Variants in DNAH14 observed in about 807,000 individuals in gnomAD.
The protein encoded by DNAH14 is dynein axonemal heavy chain 14, also known as axonemal beta dynein heavy chain 14.
A neutral mutation model predicts 520.9 loss-of-function variants in DNAH14; 478 were observed. That is an observed-to-expected ratio of 0.92 (90% CI 0.85 to 0.99). The LOEUF (loss-of-function observed/expected upper bound fraction) is 0.99, where lower values mean the gene tolerates loss of function less well. Among genes scored for constraint, DNAH14 ranks in the 50% least tolerant of loss-of-function variants. The probability of loss-of-function intolerance (pLI) is 0.00; values close to 1 mark genes in which losing one functional copy is unlikely to be tolerated. For synonymous variants in DNAH14, 1,581 were observed against 1,757.2 expected (o/e 0.90, Z 2.51); for missense variants, 4,831 against 5,234.5 (o/e 0.92, Z 2.38).
chr1:225,354,210 A>G (rs991406591), intron 73 of DNAH14: 2 of 701,822 alleles, frequency 2.8e-6, no homozygotes, highest in African/African-American at 3.5e-5. Context: ...GCCATAAACC[A>G]TACAGGAACA....
intron 69 of DNAH14, among the ~76,000 whole-genome samples, 182 bp downstream of exon 69, chr1:225,340,883 G>C (rs2095164477): frequency 6.6e-6 from 1 of 152,136 alleles, no homozygotes; most frequent in African/African-American, 2.4e-5. Context: ...GTGTCCCTCA[G>C]TTCCACTTTT....
chr1:225,019,545 T>TA (rs896314320), intron 10 of DNAH14, among the ~76,000 whole-genome samples: 2 of 152,148 alleles, frequency 1.3e-5, no homozygotes, highest in Non-Finnish European at 2.9e-5. Flanking sequence ...ATTCAGGACT[T>TA]AAACTTGATA....
chr1:225,073,268 G>A (rs1572871879), intron 17 of DNAH14, among the ~76,000 whole-genome samples: 1 of 151,960 alleles, frequency 6.6e-6, no homozygotes, highest in East Asian at 2.0e-4. Flanking sequence ...CCAGTCAGCT[G>A]GGGCTCTCTA....
Position 225,071,961 on chromosome 1 carries a change from A to G in DNAH14, c.2425-7246A>G, listed in dbSNP as rs2071600368. On this transcript the variant is annotated intron_variant, in intron 17 of 85. Transcript: ENST00000682510. ...ATTTGGGTGGGGACACAGCCAAACC[A>G]TATCACCGCCTTTAACATTTTTTCT... Among the ~76,000 whole-genome samples the G allele has an allele frequency of 2.6e-5, 4 of 152,300 alleles. 1 individual carries two copies. The South Asian group carries it at 8.3e-4, about 32-fold the overall frequency.
chr1:225,056,583 T>A (rs2069129644), intron 17 of DNAH14, among the ~76,000 whole-genome samples: 1 of 152,208 alleles, frequency 6.6e-6, no homozygotes, highest in South Asian at 2.1e-4. Flanking sequence ...GCTTTTGGTG[T>A]TTTAGATATG....
intron 11 of DNAH14, among the ~76,000 whole-genome samples, chr1:225,027,706 A>G (rs532305178): frequency 2.3e-4 from 35 of 152,040 alleles, no homozygotes; most frequent in Non-Finnish European, 3.5e-4. Context: ...CACAGAGGAA[A>G]TCTTTCCCCT....
intron 8 of DNAH14, among the ~76,000 whole-genome samples, chr1:224,998,866 GC>G (rs2063563293): frequency 6.6e-6 from 1 of 152,116 alleles, no homozygotes; most frequent in South Asian, 2.1e-4. Flanking sequence ...GAAGTCTCCA[GC>G]TGTAATTGTG....
rs1473068747 is a variant in DNAH14, at chr1:225,368,003, G to A, written c.12289G>A (p.Ala4097Thr). 6.5e-7 allele frequency: 1 copy of A among 1,549,616 alleles called. No individual in the cohort carries two copies. Among genetic ancestry groups the A allele is most frequent in the Non-Finnish European group, 8.7e-7 (1 of 1,146,640 alleles). The change falls in exon 77 of 86, where the codon GCT (alanine) becomes ACT (threonine). Residue 4097 changes from alanine (A) to threonine (T), a missense_variant. Ala to Thr is a moderately conservative substitution (Grantham distance 58). Coordinates refer to ENST00000682510, the MANE Select transcript of DNAH14 (RefSeq NM_001367479.1). ...KNYGILGWNI[A>T]YKFNSSDLGV... is the part of the protein sequence containing the mutation. ...TTACGGAATATTGGGCTGGAATATT[G>A]CTTATAAATTTAATTCTTCAGACTT...
Position 225,322,749 on chromosome 1 carries a change from G to A in DNAH14, c.9421G>A (p.Ala3141Thr), listed in dbSNP as rs1451901147. The A allele has an allele frequency of 1.3e-6, 2 of 1,551,522 alleles. No homozygotes were observed. Among genetic ancestry groups the A allele is most frequent in the Non-Finnish European group, 1.7e-6 (2 of 1,146,928 alleles). The change falls in exon 62 of 86, where the codon GCA becomes ACA. Residue 3141 changes from alanine (A) to threonine (T), a missense_variant. By Grantham distance (58) the Ala-to-Thr change is moderately conservative. Transcript: ENST00000682510. ...LLQKKPNWAT[A>T]KLLLSETGFL... ...GCAAAAGAAACCTAACTGGGCAACG[G>A]CAAAGTTACTTCTTTCAGAAACTGG...
chr1:225,382,631 T>C (rs1187649497), intron 81 of DNAH14, among the ~76,000 whole-genome samples: 1 of 151,904 alleles, frequency 6.6e-6, no homozygotes, highest in Non-Finnish European at 1.5e-5. Context: ...GGAGAATTGC[T>C]TGAACCCAGA....
In DNAH14 at chr1:225,140,775, T is replaced by G; in HGVS notation, c.4262T>G (p.Ile1421Ser). ...PGQVVLTVSQ[I>S]MFYNDCVKSF... ...ATTATCTTACTTTTTCAGAGCCAGA[T>G]CATGTTTTATAATGATTGTGTTAAA... Residue 1421 changes from isoleucine (I) to serine (S), a missense_variant, in exon 28 of 86, where the codon ATC becomes AGC. By Grantham distance (142) the Ile-to-Ser change is moderately radical. Transcript: ENST00000682510. 1 of 1,531,870 alleles carries G rather than the reference T, an allele frequency of 6.5e-7. No homozygotes were observed. Among genetic ancestry groups the G allele is most frequent in the South Asian group, 1.2e-5 (1 of 83,478 alleles). The allele number at this position is 1,531,870 out of a possible 1,614,324, so 94.9% of individuals were successfully genotyped here. A position where few individuals can be genotyped will look rare whatever the true frequency, so the allele number is the denominator to read the frequency against.
At position 225,354,963 on chromosome 1, in the gene DNAH14, A is replaced by G. The variant is rs970413269; in HGVS notation, c.11619+1075A>G. Among the ~76,000 whole-genome samples, 20 of 152,146 alleles carry G rather than the reference A, an allele frequency of 1.3e-4. 1 individual carries two copies. The highest frequency in any genetic ancestry group is 4.8e-4 in the African/African-American group (20 of 41,432). ...TTACAAACATGTTTTATTTGGCCTG[A>G]AGTTTTGTTTGGTTTTTTACAACTT... is the stretch of plus-strand genomic sequence containing the variant. On this transcript the variant is annotated intron_variant, in intron 73 of 85. Coordinates refer to ENST00000682510, the MANE Select transcript of DNAH14 (RefSeq NM_001367479.1).
Position 225,100,723 on chromosome 1 carries a change from G to A in DNAH14, c.3706G>A (p.Ala1236Thr). Residue 1236 changes from alanine (A) to threonine (T), a missense_variant, in exon 23 of 86, where the codon GCA becomes ACA. Transcript: ENST00000682510. Reference sequence around the variant, plus strand: ...ATTTTTTTTCTAAAGGCAACTCCCAGCAGAAACAGAACTTTTCTCTCAAGT... The same window carrying A: ...ATTTTTTTTCTAAAGGCAACTCCCAACAGAAACAGAACTTTTCTCTCAAGT... Reference protein sequence around the residue: ...HSSEIRRQLPAETELFSQVIS... With the variant: ...HSSEIRRQLPTETELFSQVIS... 6.7e-7 allele frequency: 1 copy of A among 1,498,664 alleles called. No homozygotes were observed. Among genetic ancestry groups the A allele is most frequent in the Non-Finnish European group, 8.9e-7 (1 of 1,129,064 alleles). The allele number at this position is 1,498,664 out of a possible 1,614,324, so 92.8% of individuals were successfully genotyped here.
intron 76 of DNAH14, among the ~76,000 whole-genome samples, chr1:225,365,620 C>G (rs1273097940): frequency 6.6e-6 from 1 of 152,270 alleles, no homozygotes; most frequent in African/African-American, 2.4e-5. Flanking sequence ...CAGTACTGAG[C>G]CATTTCCCAA....
intron 41 of DNAH14, among the ~76,000 whole-genome samples, chr1:225,217,534 C>G (rs56353835): frequency 0.15 from 23,389 of 152,126 alleles, 2,094 homozygotes; most frequent in East Asian, 0.36. Flanking sequence ...CCTCCTTGAG[C>G]TGCGGTGGGC....
In DNAH14 at chr1:225,145,347, G is replaced by A; in HGVS notation, c.4762G>A (p.Val1588Ile). The A allele has an allele frequency of 6.5e-7, 1 of 1,546,522 alleles. No homozygotes were observed. The highest frequency in any genetic ancestry group is 1.4e-5 in the African/African-American group (1 of 73,048). ...CCAGTCCTTAGGCAAACATTGTGTG[G>A]TCTTCAACTGTTTTGAGGATTTGGA... ...LAKSLGKHCVVFNCFEDLDYK... is the reference protein window; with the variant it reads ...LAKSLGKHCVIFNCFEDLDYK... The change falls in exon 30 of 86, where the codon GTC becomes ATC. Residue 1588 changes from valine (V) to isoleucine (I), a missense_variant. Transcript: ENST00000682510.
chr1:225,139,197 T>C (rs1472385770), intron 27 of DNAH14, among the ~76,000 whole-genome samples: 4 of 152,180 alleles, frequency 2.6e-5, no homozygotes, highest in African/African-American at 9.7e-5. Context: ...TTACCCAAAC[T>C]GTTCTTTACA....
intron 29 of DNAH14, among the ~76,000 whole-genome samples, chr1:225,144,860 C>T (rs1036816809): frequency 6.6e-6 from 1 of 151,592 alleles, no homozygotes; most frequent in Non-Finnish European, 1.5e-5. Flanking sequence ...TGGAATACTA[C>T]TTTACTGACT....
chr1:225,276,429 G>T (rs762328680), intron 53 of DNAH14, among the ~76,000 whole-genome samples: 1 of 152,068 alleles, frequency 6.6e-6, no homozygotes, highest in African/African-American at 2.4e-5. Flanking sequence ...GTAGCAACAG[G>T]GTCCAAAGTA....
Sources: gnomAD v4.1 joint callset for allele counts (sites outside exome capture counted in the v4.1 genomes callset) on GRCh38, gnomAD v4.1.1 for gene constraint, MANE v1.5 for transcripts, NCBI Gene and HGNC (gene_info 2026-07-23, HGNC 2026-07-21) for gene names.